Variants in CADM1 observed in about 807,000 individuals in gnomAD.
The protein encoded by CADM1 is TSLC-1.
CADM1 carries 15 observed loss-of-function variants against 53.1 expected under a neutral mutation model. The observed-to-expected ratio is 0.28, with a 90% CI of 0.19 to 0.44. The LOEUF (loss-of-function observed/expected upper bound fraction) is 0.44. Among genes scored for constraint, CADM1 ranks in the 20% least tolerant of loss-of-function variants. CADM1 has a pLI of 1.00. For missense variants in CADM1, 434 were observed against 611.3 expected, an observed-to-expected ratio of 0.71 and a Z score of 3.06; for synonymous variants, 281 against 243.0, an observed-to-expected ratio of 1.16 and a Z score of -1.45.
intron 1 of CADM1, among the ~76,000 whole-genome samples, chr11:115,365,630 T>A (rs1218291940): frequency 6.6e-6 from 1 of 152,120 alleles, no homozygotes; most frequent in African/African-American, 2.4e-5. Context: ...TGTTATGACT[T>A]TTTTTGATTA....
intron 1 of CADM1, among the ~76,000 whole-genome samples, chr11:115,305,108 TG>T (rs1944329447): frequency 7.3e-6 from 1 of 136,128 alleles, no homozygotes; most frequent in Admixed American, 7.6e-5. Context: ...CTCAACTAAG[TG>T]GGGAAACCAA....
At chr11:115,368,103 C>T (rs1036111256) in intron 1 of CADM1, among the ~76,000 whole-genome samples, 2 of 138,636 alleles carry the variant, frequency 1.4e-5, no homozygotes, top group Non-Finnish European at 3.1e-5. Context: ...TTTATTATCA[C>T]TAGAGTCTTT....
At chr11:115,242,584 A>G (rs566599550) in intron 1 of CADM1, among the ~76,000 whole-genome samples, 88 of 152,292 alleles carry the variant, frequency 5.8e-4, no homozygotes, top group Non-Finnish European at 1.1e-3. Flanking sequence ...GAAAATTAAG[A>G]AAAAATTTAA....
chr11:115,313,170 A>C (rs1463219932), intron 1 of CADM1, among the ~76,000 whole-genome samples: 1 of 152,196 alleles, frequency 6.6e-6, no homozygotes, highest in Non-Finnish European at 1.5e-5. Context: ...TGCAGACAAC[A>C]GTGATTATGC....
rs148917360 is a variant in CADM1 at position 115,258,554 on chromosome 11, A to G, written c.125-18134T>C. On this transcript the variant is annotated intron_variant, in intron 1 of 11. Coordinates refer to ENST00000331581, the MANE Select transcript of CADM1 (RefSeq NM_001301043.2). ...CAGAACCCAGCTTTGTTGGATCTCA[A>G]CTGTCTAAGATTTGGGCCCTATAGC... 2.6e-5 allele frequency among the ~76,000 whole-genome samples: 4 copies of G among 152,316 alleles called. No individual in the cohort carries two copies. The East Asian group carries it at 5.8e-4, about 22-fold the overall frequency.
At chr11:115,352,339 T>C (rs1005111722) in intron 1 of CADM1, among the ~76,000 whole-genome samples, 3 of 152,216 alleles carry the variant, frequency 2.0e-5, no homozygotes, top group South Asian at 4.1e-4. Context: ...GATGCAGATA[T>C]AGTGCCCTGC....
intron 1 of CADM1, among the ~76,000 whole-genome samples, chr11:115,389,273 C>A (rs916872037): frequency 6.6e-6 from 1 of 152,036 alleles, no homozygotes; most frequent in Non-Finnish European, 1.5e-5. Flanking sequence ...AAGTTTGAAA[C>A]GATTTCCAAA....
At chr11:115,289,891 G>A (rs1021695316) in intron 1 of CADM1, among the ~76,000 whole-genome samples, 13 of 152,136 alleles carry the variant, frequency 8.5e-5, no homozygotes, top group Non-Finnish European at 1.3e-4. Flanking sequence ...CACCGCGCCC[G>A]GCCCTGAATT....
chr11:115,209,962 T>A (rs1050764557), intron 7 of CADM1, among the ~76,000 whole-genome samples: 2 of 152,098 alleles, frequency 1.3e-5, no homozygotes, highest in East Asian at 1.9e-4. Context: ...ATTTCAAAGG[T>A]GAGGTTAAAT....
chr11:115,488,439 G>GA (rs940433580), intron 1 of CADM1, among the ~76,000 whole-genome samples: 25 of 152,288 alleles, frequency 1.6e-4, no homozygotes, highest in African/African-American at 4.1e-4. Context: ...ATGACAGTGA[G>GA]AAAAAGGGCT....
At chr11:115,207,664 TG>T (rs1201268343) in intron 8 of CADM1, among the ~76,000 whole-genome samples, 2 of 152,110 alleles carry the variant, frequency 1.3e-5, no homozygotes, top group Non-Finnish European at 2.9e-5. Flanking sequence ...GAAATGTGGT[TG>T]TTTATATACC....
rs967155767 is a variant in CADM1, at chr11:115,395,898, G to A, written c.124+108373C>T. ...TAGCATTTTATTCTCCTTCTGTCCCGTATTTCTTTTTTAAAGAAATGATTT... is the reference window on the plus strand; with the variant it reads ...TAGCATTTTATTCTCCTTCTGTCCCATATTTCTTTTTTAAAGAAATGATTT... On this transcript the variant is annotated intron_variant, in intron 1 of 11. Transcript: ENST00000331581. Among the ~76,000 whole-genome samples, 8 of 152,042 alleles carry A rather than the reference G, an allele frequency of 5.3e-5. No individual in the cohort carries two copies. In the East Asian group the frequency reaches 5.8e-4, roughly 11 times the overall value.
intron 1 of CADM1, among the ~76,000 whole-genome samples, chr11:115,258,728 G>C (rs926557010): frequency 6.6e-6 from 1 of 152,206 alleles, no homozygotes; most frequent in Non-Finnish European, 1.5e-5. Flanking sequence ...AAGTACTAAA[G>C]AAATCTAAGG....
At position 115,328,575 on chromosome 11, in the gene CADM1, TCA is replaced by T. The variant is rs961817310; in HGVS notation, c.125-88157_125-88156del. ...TGCTAAATTCCCTTGTCTGCCTACATCACAGAGTTGTTTGAAAGGAATGTTGT... is the reference window on the plus strand; with the variant it reads ...TGCTAAATTCCCTTGTCTGCCTACATCAGAGTTGTTTGAAAGGAATGTTGT... On this transcript the variant is annotated intron_variant, in intron 1 of 11. Coordinates refer to ENST00000331581, the MANE Select transcript of CADM1 (RefSeq NM_001301043.2). Among the ~76,000 whole-genome samples the T allele has an allele frequency of 4.0e-4, 60 of 148,650 alleles. 2 individuals carry two copies. The highest frequency in any genetic ancestry group is 2.1e-3 in the Admixed American group (31 of 14,572).
intron 5 of CADM1, among the ~76,000 whole-genome samples, chr11:115,218,505 C>T (rs1941279153): frequency 6.6e-6 from 1 of 152,054 alleles, no homozygotes; most frequent in African/African-American, 2.4e-5. Context: ...GGAAGCCCTC[C>T]CAGTGAAAAC....
At chr11:115,455,836 A>G (rs1049390909) in intron 1 of CADM1, among the ~76,000 whole-genome samples, 5 of 152,326 alleles carry the variant, frequency 3.3e-5, no homozygotes, top group African/African-American at 1.2e-4. Flanking sequence ...TCAAAGATCA[A>G]GTTGACAGCA....
At chr11:115,242,925 A>C (rs1163389918) in intron 1 of CADM1, among the ~76,000 whole-genome samples, 2 of 152,180 alleles carry the variant, frequency 1.3e-5, no homozygotes, top group East Asian at 3.8e-4. Context: ...CTTTATTGAA[A>C]TCCTAAGGCT....
chr11:115,239,131 A>T (rs1365056792), intron 2 of CADM1, among the ~76,000 whole-genome samples: 1 of 152,200 alleles, frequency 6.6e-6, no homozygotes, highest in African/African-American at 2.4e-5. Flanking sequence ...AAAAATTGTA[A>T]GTAAGGCCTT....
intron 3 of CADM1, among the ~76,000 whole-genome samples, chr11:115,233,587 T>A (rs1231480946): frequency 1.3e-5 from 2 of 152,144 alleles, no homozygotes; most frequent in Non-Finnish European, 2.9e-5. Flanking sequence ...TACATGCTAT[T>A]GTTAGATCAA....
Sources: allele counts gnomAD v4.1 joint callset (sites outside exome capture counted in the v4.1 genomes callset), GRCh38; gene constraint gnomAD v4.1.1; transcripts MANE v1.5; gene names NCBI Gene and HGNC (gene_info 2026-07-23, HGNC 2026-07-21).